Variants in DEPDC1B observed in about 807,000 individuals in gnomAD.
DEPDC1B encodes DEP domain containing 1B.
A neutral mutation model predicts 66.5 loss-of-function variants in DEPDC1B; 51 were observed. That is an observed-to-expected ratio of 0.77 (90% CI 0.61 to 0.97). DEPDC1B has a LOEUF of 0.97. Ranked by LOEUF, DEPDC1B falls within the 50% of genes least tolerant of loss-of-function variation. The pLI is 0.00. For missense variants in DEPDC1B, 552 were observed against 637.1 expected (o/e 0.87, Z 1.44); for synonymous variants, 226 against 223.6 (o/e 1.01, Z -0.10).
intron 2 of DEPDC1B, among the ~76,000 whole-genome samples, chr5:60,665,615 C>T (rs546562398): frequency 8.5e-5 from 13 of 152,276 alleles, no homozygotes; most frequent in South Asian, 2.1e-4. Flanking sequence ...ACCCCTATTA[C>T]GCCCCAATTC....
intron 2 of DEPDC1B, among the ~76,000 whole-genome samples, chr5:60,651,903 G>A (rs574609268): frequency 5.7e-4 from 87 of 152,316 alleles, no homozygotes; most frequent in African/African-American, 1.9e-3. Flanking sequence ...TATAACAGCT[G>A]CAATAACCAG....
At chr5:60,669,228 A>C (rs1299726955) in intron 2 of DEPDC1B, among the ~76,000 whole-genome samples, 1 of 152,266 alleles carries the variant, frequency 6.6e-6, no homozygotes, top group Non-Finnish European at 1.5e-5. Context: ...TAAACCACAA[A>C]GAAACATAGT....
At chr5:60,598,184 A>C (rs974327389) in intron 10 of DEPDC1B, among the ~76,000 whole-genome samples, 3 of 152,176 alleles carry the variant, frequency 2.0e-5, no homozygotes, top group African/African-American at 7.2e-5. Context: ...AGTAACTCTG[A>C]CTTCAAAATA....
intron 2 of DEPDC1B, among the ~76,000 whole-genome samples, chr5:60,685,608 A>C (rs1754394891): frequency 6.6e-6 from 1 of 152,194 alleles, no homozygotes; most frequent in East Asian, 1.9e-4. Context: ...GCTGGGACTC[A>C]TAAAGCCTCC....
intron 5 of DEPDC1B, among the ~76,000 whole-genome samples, chr5:60,643,863 A>G (rs187610715): frequency 6.6e-5 from 10 of 152,310 alleles, no homozygotes; most frequent in African/African-American, 2.4e-4. Context: ...TCAGGTCTGA[A>G]GACAGGTTCT....
chr5:60,684,372 A>T (rs1754363951), intron 2 of DEPDC1B, among the ~76,000 whole-genome samples: 1 of 152,250 alleles, frequency 6.6e-6, no homozygotes. Context: ...ATAGTAATGA[A>T]ACAAAATGGT....
chr5:60,617,044 A>T (rs1752573763), intron 7 of DEPDC1B, among the ~76,000 whole-genome samples: 1 of 152,208 alleles, frequency 6.6e-6, no homozygotes, highest in Admixed American at 6.5e-5. Context: ...ACTAAGCTTC[A>T]TAAGTGAAGG....
chr5:60,665,712 A>T (rs773787510), intron 2 of DEPDC1B, among the ~76,000 whole-genome samples: 9 of 152,130 alleles, frequency 5.9e-5, no homozygotes, highest in Non-Finnish European at 1.0e-4. Flanking sequence ...GAGAGACAGG[A>T]CTAGCTGGAT....
At chr5:60,662,362 T>C (rs914064785) in intron 2 of DEPDC1B, among the ~76,000 whole-genome samples, 5 of 151,890 alleles carry the variant, frequency 3.3e-5, no homozygotes, top group Middle Eastern at 3.4e-3. Flanking sequence ...CACTCCAGCC[T>C]GGGCAACAGA....
At chr5:60,606,695 AAGG>A (rs1214763648) in intron 7 of DEPDC1B, among the ~76,000 whole-genome samples, 2 of 151,402 alleles carry the variant, frequency 1.3e-5, no homozygotes, top group Non-Finnish European at 2.9e-5. Context: ...CAGGAAGCTG[AAGG>A]AGGAGAACTG....
At chr5:60,646,349 C>T (rs1561373510) in intron 3 of DEPDC1B, among the ~76,000 whole-genome samples, 1 of 152,160 alleles carries the variant, frequency 6.6e-6, no homozygotes, top group African/African-American at 2.4e-5. Context: ...ACATCCTAAC[C>T]TTCTTACCCT....
At chr5:60,615,588 C>A (rs944402273) in intron 7 of DEPDC1B, among the ~76,000 whole-genome samples, 4 of 152,178 alleles carry the variant, frequency 2.6e-5, no homozygotes, top group Admixed American at 2.0e-4. Context: ...AGGTGGCAGC[C>A]AGGCTGGGGG....
chr5:60,681,440 T>C (rs968382769), intron 2 of DEPDC1B, among the ~76,000 whole-genome samples: 1 of 152,198 alleles, frequency 6.6e-6, no homozygotes, highest in Non-Finnish European at 1.5e-5. Flanking sequence ...TTACTGTGCA[T>C]ACCCAAAATC....
chr5:60,656,207 CTGG>C (rs1753571768), intron 2 of DEPDC1B, among the ~76,000 whole-genome samples: 1 of 145,850 alleles, frequency 6.9e-6, no homozygotes, highest in Non-Finnish European at 1.5e-5. Flanking sequence ...GCCACCCAGG[CTGG>C]AGTACAGTGG....
intron 2 of DEPDC1B, among the ~76,000 whole-genome samples, chr5:60,667,559 A>G (rs1160031796): frequency 1.4e-5 from 2 of 146,076 alleles, no homozygotes; most frequent in African/African-American, 4.9e-5. Context: ...GATATTTTAC[A>G]TATATAAAAA....
At chr5:60,619,821 C>T (rs539452248) in intron 7 of DEPDC1B, among the ~76,000 whole-genome samples, 22 of 152,224 alleles carry the variant, frequency 1.4e-4, no homozygotes, top group Admixed American at 3.3e-4. Flanking sequence ...AACAAGAGCC[C>T]GCATTACCAA....
chr5:60,651,499 T>C (rs755693383), intron 2 of DEPDC1B, among the ~76,000 whole-genome samples: 10 of 148,104 alleles, frequency 6.8e-5, no homozygotes, highest in Non-Finnish European at 1.2e-4. Flanking sequence ...CTGCACCACT[T>C]CAGACTGGGC....
At chr5:60,693,557 T>G (rs1023683257) in intron 1 of DEPDC1B, among the ~76,000 whole-genome samples, 3 of 152,270 alleles carry the variant, frequency 2.0e-5, no homozygotes, top group Admixed American at 6.5e-5. Flanking sequence ...AATTATAAGG[T>G]TCAATCTATT....
At chr5:60,693,936 T>A (rs1167053415) in intron 1 of DEPDC1B, among the ~76,000 whole-genome samples, 1 of 152,142 alleles carries the variant, frequency 6.6e-6, no homozygotes, top group Non-Finnish European at 1.5e-5. Context: ...AATTACCTAA[T>A]GCATAATACC....
Sources: allele counts gnomAD v4.1 joint callset (sites outside exome capture counted in the v4.1 genomes callset), GRCh38; gene constraint gnomAD v4.1.1; transcripts MANE v1.5; gene names NCBI Gene and HGNC (gene_info 2026-07-23, HGNC 2026-07-21).